GPHN: variants seen among roughly 807,000 people sequenced by gnomAD.
GPHN encodes the protein gephyrin.
Under a neutral mutation model 95.5 loss-of-function variants are expected in GPHN, and 17 were observed. The observed-to-expected ratio is 0.18, with a 90% confidence interval of 0.12 to 0.27. The LOEUF (loss-of-function observed/expected upper bound fraction) is 0.27. Among genes scored for constraint, GPHN ranks in the 10% least tolerant of loss-of-function variants. The pLI is 1.00. For synonymous variants in GPHN, 320 were observed against 322.5 expected (o/e 0.99, Z 0.08); for missense variants, 660 against 978.1 (o/e 0.67, Z 4.34).
intron 9 of GPHN, among the ~76,000 whole-genome samples, chr14:66,981,368 A>G (rs1227830695): frequency 6.6e-6 from 1 of 152,168 alleles, no homozygotes; most frequent in East Asian, 1.9e-4. Flanking sequence ...AAAGGGCTGA[A>G]TAATATAATA....
intron 5 of GPHN, among the ~76,000 whole-genome samples, chr14:66,885,055 A>G (rs985456229): frequency 3.3e-5 from 5 of 151,992 alleles, no homozygotes; most frequent in African/African-American, 1.2e-4. Flanking sequence ...TTCAGGAAAT[A>G]ACAACACAAA....
the GPHN span, among the ~76,000 whole-genome samples, chr14:67,348,297 C>T: frequency 0.058 from 8,754 of 151,726 alleles, 519 homozygotes; most frequent in African/African-American, 0.15. Flanking sequence ...CTCGAACTCC[C>T]GACCTCAGGC....
chr14:66,753,510 C>CA (rs11300539), intron 2 of GPHN, among the ~76,000 whole-genome samples: 347 of 143,012 alleles, frequency 2.4e-3, no homozygotes, highest in Non-Finnish European at 3.2e-3. Flanking sequence ...TCTATTCTGC[C>CA]AAAAAAAAAA....
chr14:67,529,983 C>T, the GPHN span, among the ~76,000 whole-genome samples: 1 of 152,076 alleles, frequency 6.6e-6, no homozygotes, highest in Non-Finnish European at 1.5e-5. Flanking sequence ...AGGAGAGGGT[C>T]TCTTTGGAGC....
chr14:66,752,187 A>G (rs1231916354), intron 2 of GPHN, among the ~76,000 whole-genome samples: 1 of 152,102 alleles, frequency 6.6e-6, no homozygotes. Flanking sequence ...TGTGGCTTCT[A>G]TCAAGACCAC....
chr14:66,585,398 C>T (rs2061378679), intron 1 of GPHN, among the ~76,000 whole-genome samples: 1 of 152,124 alleles, frequency 6.6e-6, no homozygotes, highest in Non-Finnish European at 1.5e-5. Flanking sequence ...TTCAGTTCTG[C>T]TCTGATCTTA....
the GPHN span, among the ~76,000 whole-genome samples, chr14:67,706,678 A>C: frequency 3.3e-5 from 5 of 152,232 alleles, no homozygotes; most frequent in Non-Finnish European, 7.3e-5. Context: ...AATGGGAAGC[A>C]GGTTTGCCCT....
At chr14:66,966,072 G>A (rs1703096993) in intron 9 of GPHN, among the ~76,000 whole-genome samples, 1 of 152,068 alleles carries the variant, frequency 6.6e-6, no homozygotes, top group South Asian at 2.1e-4. Flanking sequence ...TGTGATGGAT[G>A]CAATATTGGT....
chr14:67,675,496 A>G, the GPHN span, among the ~76,000 whole-genome samples: 121 of 152,182 alleles, frequency 8.0e-4, 2 homozygotes, highest in African/African-American at 2.6e-3. Flanking sequence ...CCCAAAAACC[A>G]AAAATTCAAA....
At chr14:67,079,028 T>C (rs188616223) in intron 11 of GPHN, among the ~76,000 whole-genome samples, 45 of 152,196 alleles carry the variant, frequency 3.0e-4, no homozygotes, top group Middle Eastern at 3.4e-3. Context: ...CCACTATATA[T>C]AGCGTGAGTT....
chr14:67,467,097 T>C, the GPHN span: 1 of 150,522 alleles, frequency 6.6e-6, no homozygotes, highest in African/African-American at 2.4e-5. Context: ...CCTGGAAGAA[T>C]CCTTACCCAA....
chr14:67,572,009 C>G, the GPHN span: 1 of 1,483,296 alleles, frequency 6.7e-7, no homozygotes. Context: ...CTCGTGACCC[C>G]CCAGCAGCTC....
intron 1 of GPHN, among the ~76,000 whole-genome samples, chr14:66,640,601 C>G (rs1467484972): frequency 6.6e-6 from 1 of 151,968 alleles, no homozygotes. Flanking sequence ...CAAAGTGCTA[C>G]TAGTACTTTT....
chr14:67,051,283 A>C (rs2075295322), intron 10 of GPHN, among the ~76,000 whole-genome samples: 1 of 152,230 alleles, frequency 6.6e-6, no homozygotes, highest in Non-Finnish European at 1.5e-5. Flanking sequence ...GATGGAGCTG[A>C]AAAACACAAC....
intron 1 of GPHN, among the ~76,000 whole-genome samples, chr14:66,634,460 A>G (rs2063994071): frequency 6.6e-6 from 1 of 152,134 alleles, no homozygotes; most frequent in Non-Finnish European, 1.5e-5. Context: ...GGAAGGGGTC[A>G]TCAGCCAGAC....
intron 3 of GPHN, among the ~76,000 whole-genome samples, chr14:66,824,052 C>G (rs560239569): frequency 1.2e-4 from 18 of 152,224 alleles, no homozygotes; most frequent in African/African-American, 4.1e-4. Context: ...CATTGTACTT[C>G]AGTTGTCTCT....
the GPHN span, chr14:67,573,927 G>A: frequency 6.8e-7 from 1 of 1,466,042 alleles, no homozygotes. This position sits in a 1 kb window ranked among gnomAD's most constrained non-coding sequence, Gnocchi z 4.8. Context: ...AAACAGAAGA[G>A]GTGCTGGGTT....
chr14:67,395,301 A>G, the GPHN span: 1 of 982,290 alleles, frequency 1.0e-6, no homozygotes, highest in Non-Finnish European at 1.5e-6. Context: ...CACCAGCCAG[A>G]CTGTGCAGCA....
At chr14:67,299,616 G>C in the GPHN span, among the ~76,000 whole-genome samples, 1 of 152,300 alleles carries the variant, frequency 6.6e-6, no homozygotes, top group South Asian at 2.1e-4. Context: ...AGGAGCAGTA[G>C]AATAAAAGAA....
Sources: gnomAD v4.1 joint callset for allele counts (sites outside exome capture counted in the v4.1 genomes callset) on GRCh38, gnomAD v4.1.1 for gene constraint, Gnocchi (gnomAD v3.1) non-coding constraint, MANE v1.5 for transcripts, NCBI Gene and HGNC (gene_info 2026-07-23, HGNC 2026-07-21) for gene names.